Variants in PCDH15 observed in about 807,000 individuals in gnomAD.
The protein encoded by PCDH15 is protocadherin-15.
In PCDH15, 129 loss-of-function variants were observed where a neutral mutation model predicts 178.5. That is an observed-to-expected ratio of 0.72 (90% confidence interval 0.63 to 0.84). The LOEUF is 0.84. PCDH15 is among the 40% of genes least tolerant of loss of function. PCDH15 has a pLI of 0.00. For synonymous variants in PCDH15, 800 were observed against 732.0 expected (o/e 1.09, Z -1.50); for missense variants, 2,230 against 2,099.9 (o/e 1.06, Z -1.21).
At chr10:54,981,307 C>T (rs1839226164) in intron 2 of PCDH15, among the ~76,000 whole-genome samples, 1 of 152,108 alleles carries the variant, frequency 6.6e-6, no homozygotes, top group Non-Finnish European at 1.5e-5. Context: ...CTTGCCATAC[C>T]AAATTCCATC....
chr10:54,695,064 TAGGGGG>T (rs1418428259), intron 1 of PCDH15, among the ~76,000 whole-genome samples: 6 of 135,226 alleles, frequency 4.4e-5, no homozygotes, highest in Non-Finnish European at 3.1e-5. Flanking sequence ...TGTTGTGGGG[TAGGGGG>T]AGGGGGAGGG....
rs1219953723 is a variant in PCDH15, at chr10:54,754,947, T to TCC, written c.-29+45977_-29+45978insGG. Among the ~76,000 whole-genome samples the TCC allele has an allele frequency of 7.6e-3, 659 of 87,044 alleles. 8 individuals carry two copies. The highest frequency in any genetic ancestry group is 0.024 in the Middle Eastern group (4 of 164). The allele number at this position is 87,044 out of a possible 152,430, so 57.1% of individuals were successfully genotyped here. ...CACACTTAGAGTTTTTCTTTCTTTT[T>TCC]TTTTTTTTTTTTTTTTTTTGGGAGA... On this transcript the variant is annotated intron_variant, in intron 1 of 37. Transcript: ENST00000644397.
chr10:54,582,472 T>C lies in PCDH15; in HGVS notation c.92-54595A>G, dbSNP rs75321634. Among the ~76,000 whole-genome samples, 25 of 152,244 alleles carry C rather than the reference T, an allele frequency of 1.6e-4. 1 individual carries two copies. The East Asian group carries it at 4.8e-3, about 29-fold the overall frequency. On this transcript the variant is annotated intron_variant, in intron 2 of 37. Coordinates refer to ENST00000644397, the MANE Select transcript of PCDH15 (RefSeq NM_001384140.1). ...CAGGTTATAATCAAGACATTATTTTTCTTGTCATAATTACACATACTCTTT... is the reference window on the plus strand; with the variant it reads ...CAGGTTATAATCAAGACATTATTTTCCTTGTCATAATTACACATACTCTTT...
chr10:54,353,049 A>C (rs538893185), intron 5 of PCDH15, among the ~76,000 whole-genome samples: 1 of 152,288 alleles, frequency 6.6e-6, no homozygotes. Flanking sequence ...GTGGAATATT[A>C]TTGAAAAATT....
upstream of PCDH15, among the ~76,000 whole-genome samples, chr10:55,321,541 GAC>G (rs1565006699): frequency 6.6e-6 from 1 of 151,986 alleles, no homozygotes; most frequent in Non-Finnish European, 1.5e-5. Flanking sequence ...CCATCCTGAA[GAC>G]ACACAGTCAT....
chr10:55,382,730 T>C (rs950953442), intron 2 of PCDH15, among the ~76,000 whole-genome samples: 3 of 152,184 alleles, frequency 2.0e-5, no homozygotes, highest in African/African-American at 7.2e-5. Context: ...GAATGACTCA[T>C]CTTGGCCTTG....
intron 3 of PCDH15, among the ~76,000 whole-genome samples, chr10:54,491,766 G>A (rs148235537): frequency 7.9e-5 from 12 of 152,178 alleles, no homozygotes; most frequent in African/African-American, 1.2e-4. Flanking sequence ...TAGGTTTTAC[G>A]ATATTTTCTG....
At chr10:55,595,398 A>G (rs1411527709) in intron 2 of PCDH15, among the ~76,000 whole-genome samples, 2 of 152,062 alleles carry the variant, frequency 1.3e-5, no homozygotes, top group Non-Finnish European at 2.9e-5. Context: ...ACCTGGCCTC[A>G]TTTCAAAAGA....
chr10:55,560,305 T>C (rs1842171884), intron 2 of PCDH15, among the ~76,000 whole-genome samples: 1 of 151,932 alleles, frequency 6.6e-6, no homozygotes, highest in Non-Finnish European at 1.5e-5. Context: ...ATTCTTAGAC[T>C]GGGAATGCTT....
At chr10:54,276,790 A>G (rs1358510711) in intron 8 of PCDH15, among the ~76,000 whole-genome samples, 1 of 151,790 alleles carries the variant, frequency 6.6e-6, no homozygotes, top group Non-Finnish European at 1.5e-5. Flanking sequence ...AAGTTTGAGT[A>G]ACAACATCAA....
chr10:55,512,824 A>G (rs1840916537), intron 2 of PCDH15: 1 of 152,140 alleles, frequency 6.6e-6, no homozygotes, highest in African/African-American at 2.4e-5. Context: ...AGAAGTAATT[A>G]AATACAATTT....
intron 2 of PCDH15, among the ~76,000 whole-genome samples, chr10:55,451,453 G>A (rs536139007): frequency 4.6e-5 from 7 of 151,710 alleles, no homozygotes; most frequent in Non-Finnish European, 8.8e-5. Context: ...AGCCGAGATC[G>A]CACCACTGCA....
In PCDH15 at chr10:54,994,578, A is replaced by C. The variant is rs1839588152; in HGVS notation, c.-79-97078T>G. Among the ~76,000 whole-genome samples the C allele has an allele frequency of 3.3e-5, 5 of 152,270 alleles. No homozygotes were observed. The South Asian group carries it at 1.0e-3, about 31-fold the overall frequency. On this transcript the variant is annotated intron_variant, in intron 2 of 5. Coordinates refer to the PCDH15 transcript ENST00000458638. ...CAGATTATAGAAGTTTACATTATAA[A>C]ATTTATTATAAATTTTGGTTATAAC...
intron 2 of PCDH15, among the ~76,000 whole-genome samples, chr10:55,613,425 G>A (rs1843411787): frequency 6.6e-6 from 1 of 151,974 alleles, no homozygotes; most frequent in Non-Finnish European, 1.5e-5. Flanking sequence ...TCAAATACAT[G>A]CCCCACCTTA....
At chr10:55,037,609 C>T (rs897184679) in intron 2 of PCDH15, among the ~76,000 whole-genome samples, 5 of 152,278 alleles carry the variant, frequency 3.3e-5, no homozygotes, top group Non-Finnish European at 5.9e-5. Flanking sequence ...AGCTATTTGA[C>T]ATCATGGATC....
intron 2 of PCDH15, among the ~76,000 whole-genome samples, chr10:54,588,221 T>C (rs561240655): frequency 1.7e-4 from 26 of 152,286 alleles, no homozygotes; most frequent in African/African-American, 5.5e-4. Flanking sequence ...AAATCAATTT[T>C]AAGATAATGC....
intron 5 of PCDH15, among the ~76,000 whole-genome samples, chr10:54,350,591 G>C (rs1565045838): frequency 1.3e-5 from 2 of 152,192 alleles, no homozygotes; most frequent in African/African-American, 4.8e-5. Flanking sequence ...GGGCAAACAT[G>C]GGAGGTCTGA....
chr10:54,053,703 G>A lies in PCDH15; in HGVS notation c.2220+13054C>T, dbSNP rs540852825. Among the ~76,000 whole-genome samples, 25 of 152,286 alleles carry A rather than the reference G, an allele frequency of 1.6e-4. 1 individual carries two copies. Among genetic ancestry groups the A allele is most frequent in the South Asian group, 6.2e-4 (3 of 4,828 alleles). ...GCAAGTGAGTATGGCTAGAGATAAAGTTGTCAAAGTAATAGTGTGAGGTGG... is the reference window on the plus strand; with the variant it reads ...GCAAGTGAGTATGGCTAGAGATAAAATTGTCAAAGTAATAGTGTGAGGTGG... On this transcript the variant is annotated intron_variant, in intron 18 of 37. Transcript: ENST00000644397.
intron 2 of PCDH15, among the ~76,000 whole-genome samples, chr10:55,454,244 T>A (rs138173169): frequency 1.3e-4 from 20 of 152,268 alleles, no homozygotes; most frequent in African/African-American, 4.3e-4. Flanking sequence ...ACATGCAAAG[T>A]AATTTAGCTT....
Sources: gnomAD v4.1 joint callset for allele counts (sites outside exome capture counted in the v4.1 genomes callset) on GRCh38, gnomAD v4.1.1 for gene constraint, MANE v1.5 for transcripts, NCBI Gene and HGNC (gene_info 2026-07-23, HGNC 2026-07-21) for gene names.